Variants in AGBL4 observed in about 807,000 individuals in gnomAD.
The protein encoded by AGBL4 is AGBL carboxypeptidase 4.
Under a neutral mutation model 66.4 loss-of-function variants are expected in AGBL4, and 58 were observed. The observed-to-expected ratio is 0.87, with a 90% CI of 0.71 to 1.09. The LOEUF (loss-of-function observed/expected upper bound fraction) is 1.09. Among genes scored for constraint, AGBL4 ranks in the 50% least tolerant of loss-of-function variants. AGBL4 has a pLI of 0.00. For synonymous variants in AGBL4, 234 were observed against 222.9 expected, an observed-to-expected ratio of 1.05 and a Z score of -0.44; for missense variants, 579 against 631.0, an observed-to-expected ratio of 0.92 and a Z score of 0.88.
intron 4 of AGBL4, among the ~76,000 whole-genome samples, chr1:49,093,157 A>G (rs891054739): frequency 9.9e-5 from 15 of 152,064 alleles, no homozygotes; most frequent in African/African-American, 3.6e-4. Flanking sequence ...AGAGCATACC[A>G]TGTTCCTCAA....
At chr1:49,097,321 A>AGTGGAAG (rs1327596683) in intron 4 of AGBL4, among the ~76,000 whole-genome samples, 1 of 152,248 alleles carries the variant, frequency 6.6e-6, no homozygotes, top group Non-Finnish European at 1.5e-5. Flanking sequence ...GGATAGTCTT[A>AGTGGAAG]GTGGAAGGGG....
chr1:49,754,260 G>C (rs1651706272), intron 2 of AGBL4, among the ~76,000 whole-genome samples: 1 of 147,720 alleles, frequency 6.8e-6, no homozygotes, highest in South Asian at 2.1e-4. Context: ...TTTTTGCATG[G>C]GTGTTCTTTT....
At chr1:48,771,637 C>CT (rs988671956) in intron 6 of AGBL4, among the ~76,000 whole-genome samples, 4 of 152,188 alleles carry the variant, frequency 2.6e-5, no homozygotes, top group African/African-American at 7.2e-5. Context: ...TTTTCACTCA[C>CT]TTTTTTCAAG....
At chr1:49,703,930 A>T (rs1344563978) in intron 2 of AGBL4, among the ~76,000 whole-genome samples, 1 of 152,088 alleles carries the variant, frequency 6.6e-6, no homozygotes, top group Non-Finnish European at 1.5e-5. Context: ...AAGCAATGGC[A>T]CTACCAGCAA....
At chr1:49,495,321 C>A (rs1570867851) in intron 3 of AGBL4, among the ~76,000 whole-genome samples, 1 of 152,076 alleles carries the variant, frequency 6.6e-6, no homozygotes, top group Admixed American at 6.6e-5. Context: ...TGGCCCAATA[C>A]AAATTTGTAA....
chr1:49,721,220 C>T (rs926286554), intron 2 of AGBL4, among the ~76,000 whole-genome samples: 1 of 152,074 alleles, frequency 6.6e-6, no homozygotes, highest in African/African-American at 2.4e-5. Context: ...TGGGCAGGGA[C>T]AAATAAGGGA....
At chr1:48,788,152 A>G (rs1395923687) in intron 6 of AGBL4, among the ~76,000 whole-genome samples, 1 of 152,264 alleles carries the variant, frequency 6.6e-6, no homozygotes, top group Non-Finnish European at 1.5e-5. Context: ...AGAGATCCTT[A>G]TAAGGTTTTC....
intron 3 of AGBL4, among the ~76,000 whole-genome samples, chr1:49,623,994 TGA>T (rs201077751): frequency 2.8e-5 from 4 of 141,840 alleles, no homozygotes; most frequent in African/African-American, 1.2e-4. Context: ...ATAGTTTTGA[TGA>T]GAGAGAGTGT....
At chr1:48,722,688 T>C (rs1647171406) in intron 6 of AGBL4, among the ~76,000 whole-genome samples, 2 of 152,186 alleles carry the variant, frequency 1.3e-5, no homozygotes, top group South Asian at 2.1e-4. Flanking sequence ...CACCACATAC[T>C]GTCAATATTA....
chr1:49,758,499 G>A (rs1652062156), intron 2 of AGBL4, among the ~76,000 whole-genome samples: 1 of 152,074 alleles, frequency 6.6e-6, no homozygotes, highest in Admixed American at 6.6e-5. Context: ...ACTGCCCAGG[G>A]TCATGGGAGG....
At chr1:49,364,977 C>T (rs2148542577) in intron 3 of AGBL4, among the ~76,000 whole-genome samples, 1 of 152,264 alleles carries the variant, frequency 6.6e-6, no homozygotes, top group Admixed American at 6.5e-5. Flanking sequence ...AAATGGTTAG[C>T]ACCTGTTCCT....
At chr1:48,879,839 G>A (rs781236205) in intron 5 of AGBL4, among the ~76,000 whole-genome samples, 2 of 152,122 alleles carry the variant, frequency 1.3e-5, no homozygotes, top group African/African-American at 2.4e-5. Flanking sequence ...TGATTCTGAA[G>A]CCTATGCCCT....
At chr1:49,825,231 A>G (rs1271104668) in intron 2 of AGBL4, among the ~76,000 whole-genome samples, 1 of 152,346 alleles carries the variant, frequency 6.6e-6, no homozygotes, top group African/African-American at 2.4e-5. Flanking sequence ...TGTATTTTAA[A>G]GCATACATGA....
In AGBL4 at chr1:49,353,317, C is replaced by T. The variant is rs78759926; in HGVS notation, c.283-107453G>A. ...TCTAAGGCATTTAATCAGACTTTTG[C>T]GGGTTCCTCAATACTATGTATAACA... On this transcript the variant is annotated intron_variant, in intron 3 of 13. Transcript: ENST00000371839. Among the ~76,000 whole-genome samples the T allele has an allele frequency of 3.5e-3, 540 of 152,240 alleles. 1 individual carries two copies. The highest frequency in any genetic ancestry group is 6.0e-3 in the Non-Finnish European group (406 of 68,018).
chr1:49,546,119 A>T (rs1359809815), intron 3 of AGBL4, among the ~76,000 whole-genome samples: 1 of 152,098 alleles, frequency 6.6e-6, no homozygotes, highest in East Asian at 1.9e-4. Context: ...TGTCAGTGAG[A>T]ACATATGATG....
chr1:49,226,289 T>C (rs1649903374), intron 4 of AGBL4, among the ~76,000 whole-genome samples: 1 of 152,166 alleles, frequency 6.6e-6, no homozygotes. Context: ...TGAATAAATG[T>C]TTATGATAAT....
intron 3 of AGBL4, among the ~76,000 whole-genome samples, chr1:49,601,794 C>A (rs1644964265): frequency 6.6e-6 from 1 of 152,048 alleles, no homozygotes; most frequent in Admixed American, 6.6e-5. Context: ...TAGGCATGGG[C>A]AAAGACTTCA....
chr1:49,054,277 T>A (rs1304860044), intron 4 of AGBL4, among the ~76,000 whole-genome samples: 2 of 152,084 alleles, frequency 1.3e-5, no homozygotes, highest in African/African-American at 2.4e-5. Flanking sequence ...AATTCCAATA[T>A]AATTCAATTA....
At chr1:49,863,614 T>C (rs1646628915) in intron 1 of AGBL4, among the ~76,000 whole-genome samples, 1 of 152,122 alleles carries the variant, frequency 6.6e-6, no homozygotes, top group South Asian at 2.1e-4. Flanking sequence ...AATCAAAAGA[T>C]GGGCAAAGAT....
Sources: allele counts gnomAD v4.1 joint callset (sites outside exome capture counted in the v4.1 genomes callset), GRCh38; gene constraint gnomAD v4.1.1; transcripts MANE v1.5; gene names NCBI Gene and HGNC (gene_info 2026-07-23, HGNC 2026-07-21).